ABCB5: variants seen among roughly 807,000 people sequenced by gnomAD.
The protein encoded by ABCB5 is ATP binding cassette subfamily B member 5.
A neutral mutation model predicts 144.2 loss-of-function variants in ABCB5; 155 were observed. The observed-to-expected ratio is 1.08, with a 90% CI of 0.94 to 1.23. The LOEUF is 1.23. Among genes scored for constraint, ABCB5 ranks in the 50% most tolerant of loss-of-function variants. The pLI is 0.00. For synonymous variants in ABCB5, 610 were observed against 528.6 expected (o/e 1.15, Z -2.11); for missense variants, 1,830 against 1,520.8 (o/e 1.20, Z -3.38).
chr7:20,708,736 A>G (rs760780205), intron 20 of ABCB5, among the ~76,000 whole-genome samples: 19 of 152,170 alleles, frequency 1.2e-4, no homozygotes, highest in Non-Finnish European at 2.8e-4. Flanking sequence ...TATGCTGACA[A>G]ATAATAATAA....
intron 22 of ABCB5, among the ~76,000 whole-genome samples, chr7:20,728,062 T>C (rs2128051261): frequency 6.6e-6 from 1 of 152,288 alleles, no homozygotes; most frequent in East Asian, 1.9e-4. Flanking sequence ...TTTAACAGTA[T>C]ATAAAGTTAA....
At chr7:20,668,400 T>C (rs1423416540) in intron 14 of ABCB5, among the ~76,000 whole-genome samples, 1 of 147,906 alleles carries the variant, frequency 6.8e-6, no homozygotes, top group Non-Finnish European at 1.5e-5. Context: ...GAGGAGCGCC[T>C]CTGCTGGGCC....
At chr7:20,642,130 C>T (rs923388912) in intron 5 of ABCB5, among the ~76,000 whole-genome samples, 28 of 152,152 alleles carry the variant, frequency 1.8e-4, no homozygotes, top group Admixed American at 1.8e-3. Context: ...AAAAGTTGAA[C>T]AGATAATGCC....
chr7:20,643,166 C>G lies in ABCB5; in HGVS notation c.315-18C>G. The G allele has an allele frequency of 1.3e-6, 2 of 1,589,332 alleles. No individual in the cohort carries two copies. The highest frequency in any genetic ancestry group is 1.3e-5 in the African/African-American group (1 of 74,668). ...AAATGTTGTGCTTCAGTCTCACATT[C>G]TAATACTCTTTCTTCAGGTTGACCC... On this transcript the variant is annotated intron_variant, in intron 5 of 27. Coordinates refer to ENST00000404938, the MANE Select transcript of ABCB5 (RefSeq NM_001163941.2).
chr7:20,651,481 G>C lies in ABCB5; in HGVS notation c.1394G>C (p.Gly465Ala), dbSNP rs1411184570. The stretch of plus-strand genomic sequence containing the variant: ...GTGCGGCATTATCGAGACCATATTG[G>C]AGTGGTTAGTCAAGAGCCTGTTTTG... ...LNVRHYRDHI[G>A]VVSQEPVLFG... Residue 465 changes from glycine to alanine, a missense_variant, in exon 13 of 28, where the codon GGA becomes GCA. By Grantham distance (60) the Gly-to-Ala change is moderately conservative. Transcript: ENST00000404938. 6 of 1,613,956 alleles carry C rather than the reference G, an allele frequency of 3.7e-6. No homozygotes were observed. Among genetic ancestry groups the C allele is most frequent in the Non-Finnish European group, 5.1e-6 (6 of 1,180,010 alleles).
intron 1 of ABCB5, among the ~76,000 whole-genome samples, chr7:20,619,324 C>G: frequency 6.6e-6 from 1 of 152,182 alleles, no homozygotes. Flanking sequence ...AGTGTTCCCT[C>G]TTCTCCACAG....
At position 20,739,010 on chromosome 7, in the gene ABCB5, T is replaced by C. The variant is rs775035323; in HGVS notation, c.2895T>C (p.Ala965=). Residue 965 remains alanine (A), a synonymous_variant, in exon 24 of 28, where the codon GCT becomes GCC. Coordinates refer to ENST00000404938, the MANE Select transcript of ABCB5 (RefSeq NM_001163941.2). The stretch of plus-strand genomic sequence containing the variant: ...TTTTTACTGCAATTGCATATGGAGC[T>C]ATGGCCATCGGAGAAACGCTCGTTT... ...FIVFTAIAYG[A]MAIGETLVLA... is the part of the protein sequence containing the mutation. The C allele has an allele frequency of 6.2e-7, 1 of 1,612,194 alleles. No individual in the cohort carries two copies.
At chr7:20,697,897 G>A (rs1278214311) in intron 16 of ABCB5, among the ~76,000 whole-genome samples, 3 of 152,174 alleles carry the variant, frequency 2.0e-5, no homozygotes, top group African/African-American at 7.2e-5. Context: ...TATTTTGCTT[G>A]TAAATAAGAA....
At chr7:20,664,673 A>G (rs1785114769) in intron 14 of ABCB5, among the ~76,000 whole-genome samples, 1 of 152,258 alleles carries the variant, frequency 6.6e-6, no homozygotes, top group Non-Finnish European at 1.5e-5. Flanking sequence ...GGAAAAAAAT[A>G]AACTAATTAT....
At chr7:20,681,723 A>G (rs1785837894) in intron 15 of ABCB5, 57 bp downstream of exon 15, 2 of 1,547,938 alleles carry the variant, frequency 1.3e-6, no homozygotes, top group East Asian at 2.3e-5. Context: ...CAGAGATCAT[A>G]CCACACTAGA....
intron 16 of ABCB5, among the ~76,000 whole-genome samples, chr7:20,695,743 A>C (rs960522711): frequency 1.3e-5 from 2 of 152,044 alleles, no homozygotes; most frequent in African/African-American, 4.8e-5. Context: ...AACCCAATTA[A>C]ATGTCAGCAA....
intron 12 of ABCB5, 80 bp downstream of exon 12, chr7:20,650,227 T>G: frequency 1.3e-6 from 2 of 1,534,976 alleles, no homozygotes; most frequent in Non-Finnish European, 8.8e-7. Context: ...TCTGTAACTT[T>G]TCATTTTCAA....
At chr7:20,682,999 G>A (rs190292408) in intron 15 of ABCB5, among the ~76,000 whole-genome samples, 2 of 152,232 alleles carry the variant, frequency 1.3e-5, no homozygotes, top group East Asian at 1.9e-4. Flanking sequence ...GACCTGGAAG[G>A]CATCCTTTTT....
chr7:20,751,246 T>C (rs912763214), intron 26 of ABCB5, among the ~76,000 whole-genome samples: 1 of 135,650 alleles, frequency 7.4e-6, no homozygotes, highest in African/African-American at 2.9e-5. Flanking sequence ...AGAAACTCTG[T>C]GGTTCTTTGT....
chr7:20,703,435 A>G (rs996949267), intron 19 of ABCB5, among the ~76,000 whole-genome samples: 2 of 152,158 alleles, frequency 1.3e-5, no homozygotes, highest in Non-Finnish European at 2.9e-5. Flanking sequence ...TCATGCAGAC[A>G]CCTTCCCAAC....
Position 20,755,645 on chromosome 7 carries a change from T to C in ABCB5, c.*21T>C, listed in dbSNP as rs376697135. On this transcript the variant is annotated 3_prime_UTR_variant, in exon 28 of 28. Transcript: ENST00000404938. The stretch of plus-strand genomic sequence containing the variant: ...AGTGATGCTGTTGAGGTAGCACATA[T>C]TTTGATGTTCGTGTAATGCAAAGAA... 2.2e-4 allele frequency: 357 copies of C among 1,610,496 alleles called. No homozygotes were observed. Among genetic ancestry groups the C allele is most frequent in the Non-Finnish European group, 3.0e-4 (351 of 1,177,554 alleles).
rs1291715310 is a variant in ABCB5 at position 20,709,892 on chromosome 7, T to G, written c.2421+5085T>G. ...GGTGTTAGACACCAGGCTGCCAACA[T>G]GGTGAAACCCTGTCTCTACTCAAAC... On this transcript the variant is annotated intron_variant, in intron 20 of 27. Transcript: ENST00000404938. Among the ~76,000 whole-genome samples, 5 of 148,336 alleles carry G rather than the reference T, an allele frequency of 3.4e-5. No homozygotes were observed. In the East Asian group the frequency reaches 1.0e-3, roughly 30 times the overall value.
intron 20 of ABCB5, among the ~76,000 whole-genome samples, chr7:20,718,729 G>T (rs542872907): frequency 8.7e-4 from 133 of 152,262 alleles, no homozygotes; most frequent in African/African-American, 3.1e-3. Flanking sequence ...CATCAAGAAT[G>T]TAAGAGTATA....
At chr7:20,621,108 A>T (rs1783796815) in intron 1 of ABCB5, among the ~76,000 whole-genome samples, 1 of 152,154 alleles carries the variant, frequency 6.6e-6, no homozygotes, top group South Asian at 2.1e-4. Context: ...CCTTGAAAAC[A>T]TTATGTTAAG....
Sources: allele counts gnomAD v4.1 joint callset (sites outside exome capture counted in the v4.1 genomes callset), GRCh38; gene constraint gnomAD v4.1.1; transcripts MANE v1.5; gene names NCBI Gene and HGNC (gene_info 2026-07-23, HGNC 2026-07-21).